ZNF496: variants seen among roughly 807,000 people sequenced by gnomAD.
The protein encoded by ZNF496 is NSD1 (nuclear receptor binding SET-domain containing 1)-interacting zinc finger protein 1.
In ZNF496, 11 loss-of-function variants were observed where a neutral mutation model predicts 58.9. The observed-to-expected ratio is 0.19, with a 90% confidence interval of 0.12 to 0.31. The LOEUF is 0.31. ZNF496 is among the 10% of genes least tolerant of loss of function. ZNF496 has a pLI of 1.00. For missense variants in ZNF496, 660 were observed against 783.0 expected (o/e 0.84, Z 1.88); for synonymous variants, 338 against 318.2 (o/e 1.06, Z -0.66).
intron 5 of ZNF496, among the ~76,000 whole-genome samples, chr1:247,327,419 T>C (rs889977833): frequency 6.6e-6 from 1 of 152,218 alleles, no homozygotes; most frequent in South Asian, 2.1e-4. Flanking sequence ...ACATTAGGCA[T>C]GTCTACAAGC....
At position 247,309,816 on chromosome 1, in the gene ZNF496, G is replaced by C; in HGVS notation, c.785-10C>G. On this transcript the variant is annotated splice_polypyrimidine_tract_variant and intron_variant, in intron 7 of 9. Transcript: ENST00000682384. This position sits in a 1 kb window ranked among gnomAD's most constrained non-coding sequence, Gnocchi z 4.3. ...TGGGCAGCTAGGTCGTCTGTTCAAAGAAAAAGGCAGGGTACATGTTTATTA... is the reference window on the plus strand; with the variant it reads ...TGGGCAGCTAGGTCGTCTGTTCAAACAAAAAGGCAGGGTACATGTTTATTA... The C allele has an allele frequency of 6.2e-7, 1 of 1,613,274 alleles. No individual in the cohort carries two copies.
chr1:247,330,756 C>G (rs1162718505), intron 2 of ZNF496, among the ~76,000 whole-genome samples: 1 of 152,270 alleles, frequency 6.6e-6, no homozygotes, highest in Non-Finnish European at 1.5e-5. Flanking sequence ...ACGAGGTTGT[C>G]CAGCGTGGCC....
Position 247,308,013 on chromosome 1 carries a change from T to C in ZNF496, c.1006+462A>G. ...CCAGTTCCAAGATTCTGTGCCAGGA[T>C]GCTGGCCATCCATGCTGAGAGAAGA... is the stretch of plus-strand genomic sequence containing the variant. On this transcript the variant is annotated intron_variant, in intron 9 of 9. Transcript: ENST00000682384. The surrounding 1 kb of genome is among the most constrained non-coding windows in gnomAD (Gnocchi z 4.5). 1.0e-6 allele frequency: 1 copy of C among 985,406 alleles called. No homozygotes were observed. The highest frequency in any genetic ancestry group is 4.7e-5 in the South Asian group (1 of 21,290). The allele number at this position is 985,406 out of a possible 1,614,324, so 61.0% of individuals were successfully genotyped here. A position where few individuals can be genotyped will look rare whatever the true frequency, so the allele number is the denominator to read the frequency against.
chr1:247,329,454 C>A lies in ZNF496; in HGVS notation c.125G>T (p.Arg42Leu). The A allele has an allele frequency of 1.9e-6, 3 of 1,612,290 alleles. No individual in the cohort carries two copies. The highest frequency in any genetic ancestry group is 1.1e-5 in the South Asian group (1 of 90,978). Residue 42 changes from arginine (R) to leucine (L), a missense_variant, in exon 4 of 10, where the codon CGG becomes CTG. Physicochemically the swap from Arg to Leu is moderately radical, Grantham distance 102. Transcript: ENST00000682384. This position sits in a 1 kb window ranked among gnomAD's most constrained non-coding sequence, Gnocchi z 5.5. ...GTAGCGGAAACGGCGGAAGAGACGCCGAGAGGACTCGGGGCTGGGAAGCTC... is the reference window on the plus strand; with the variant it reads ...GTAGCGGAAACGGCGGAAGAGACGCAGAGAGGACTCGGGGCTGGGAAGCTC... ...QGELPSPESS[R>L]RLFRRFRYQE...
At chr1:247,321,154 C>G (rs10754542) in intron 6 of ZNF496, among the ~76,000 whole-genome samples, 3 of 151,164 alleles carry the variant, frequency 2.0e-5, no homozygotes, top group African/African-American at 7.3e-5. Flanking sequence ...TCAGCCTGGG[C>G]GACAGAGCAA....
At chr1:247,301,816 C>A (rs1419304019) in intron 9 of ZNF496, among the ~76,000 whole-genome samples, 9 of 152,198 alleles carry the variant, frequency 5.9e-5, no homozygotes, top group African/African-American at 2.2e-4. Flanking sequence ...TATTGGTTGC[C>A]ATGTTTACAC....
At chr1:247,318,462 CA>C (rs1473142514) in intron 6 of ZNF496, among the ~76,000 whole-genome samples, 1 of 152,058 alleles carries the variant, frequency 6.6e-6, no homozygotes, top group African/African-American at 2.4e-5. Flanking sequence ...AAACTGAAGG[CA>C]AAGGAAGAAA....
intron 6 of ZNF496, chr1:247,312,397 T>A (rs900375374): frequency 1.3e-4 from 20 of 152,196 alleles, no homozygotes; most frequent in Admixed American, 1.3e-4. Context: ...TTCACATTTT[T>A]ACCAACATTC....
In ZNF496 at chr1:247,300,531, C is replaced by T. The variant is rs1659202373; in HGVS notation, c.1752G>A (p.Leu584=). ...LHMKRRSKQA[L]NSY ...CAGGCGGAGAGGCTCAGTAGGAGTT[C>T]AGAGCCTGCTTGGAACGGCGCTTCA... The change falls in exon 10 of 10, where the codon CTG becomes CTA. Residue 584 remains leucine, a synonymous_variant. Transcript: ENST00000682384. The surrounding 1 kb of genome is among the most constrained non-coding windows in gnomAD (Gnocchi z 5.7). 1 of 1,607,048 alleles carries T rather than the reference C, an allele frequency of 6.2e-7. No individual in the cohort carries two copies. Among genetic ancestry groups the T allele is most frequent in the South Asian group, 1.1e-5 (1 of 90,550 alleles).
chr1:247,327,833 T>C lies in ZNF496; in HGVS notation c.574+850A>G, dbSNP rs1351096256. On this transcript the variant is annotated intron_variant, in intron 5 of 9. Transcript: ENST00000682384. ...AGCCCCCCTGGCCCCCCAGACACTCTCTTTCCACTGTACATATAAAGCACC... is the reference window on the plus strand; with the variant it reads ...AGCCCCCCTGGCCCCCCAGACACTCCCTTTCCACTGTACATATAAAGCACC... Among the ~76,000 whole-genome samples the C allele has an allele frequency of 4.6e-5, 4 of 86,814 alleles. 1 individual carries two copies. The highest frequency in any genetic ancestry group is 1.0e-4 in the Non-Finnish European group (4 of 39,514). The allele number at this position is 86,814 out of a possible 152,430, so 57.0% of individuals were successfully genotyped here.
chr1:247,322,672 T>C, intron 6 of ZNF496: 1 of 1,270,282 alleles, frequency 7.9e-7, no homozygotes, highest in Non-Finnish European at 1.0e-6. Context: ...AACGAGAACA[T>C]TCGAGGAAAT....
chr1:247,327,943 T>C (rs954236981), intron 5 of ZNF496, among the ~76,000 whole-genome samples: 3 of 152,192 alleles, frequency 2.0e-5, no homozygotes, highest in African/African-American at 7.2e-5. Context: ...ACTTAAAGTT[T>C]TGGGCACCTC....
intron 6 of ZNF496, 184 bp from the exon 7 acceptor site, chr1:247,310,640 G>T: frequency 1.5e-6 from 1 of 668,414 alleles, no homozygotes; most frequent in Non-Finnish European, 2.5e-6. Context: ...TGGGTGCCTG[G>T]TGAGGGCCCA....
Position 247,300,646 on chromosome 1 carries a change from A to T in ZNF496, c.1637T>A (p.Leu546Gln). ...HLARHRSHFH[L>Q]KDKARPFQCR... ...CTGGAAGGGCCGGGCTTTGTCCTTC[A>T]GGTGAAAGTGGCTGCGGTGCCGAGC... Residue 546 changes from leucine (L) to glutamine (Q), a missense_variant, in exon 10 of 10, where the codon CTG becomes CAG. By Grantham distance (113) the Leu-to-Gln change is moderately radical. Transcript: ENST00000682384. This position sits in a 1 kb window ranked among gnomAD's most constrained non-coding sequence, Gnocchi z 5.7. 4.3e-6 allele frequency: 7 copies of T among 1,614,136 alleles called. No individual in the cohort carries two copies. Among genetic ancestry groups the T allele is most frequent in the Non-Finnish European group, 5.9e-6 (7 of 1,180,036 alleles).
chr1:247,306,505 TTTC>T (rs903784863), intron 9 of ZNF496, among the ~76,000 whole-genome samples: 12 of 146,538 alleles, frequency 8.2e-5, no homozygotes, highest in Non-Finnish European at 1.4e-4. Context: ...CCGTTTTTTT[TTTC>T]TTTTTCTTTT....
rs752585207 is a variant in ZNF496 at position 247,308,502 on chromosome 1, T to C, written c.979A>G (p.Thr327Ala). 1.9e-6 allele frequency: 3 copies of C among 1,614,130 alleles called. No homozygotes were observed. The highest frequency in any genetic ancestry group is 1.1e-5 in the South Asian group (1 of 91,084). The change falls in exon 9 of 10, where the codon ACG becomes GCG. Residue 327 changes from threonine (T) to alanine (A), a missense_variant. Transcript: ENST00000682384. This position sits in a 1 kb window ranked among gnomAD's most constrained non-coding sequence, Gnocchi z 4.5. ...QVPEFQACPQTVVPQNTYPAG... is the reference protein window; with the variant it reads ...QVPEFQACPQAVVPQNTYPAG... ...GGGTAGGTGTTTTGAGGCACCACCG[T>C]CTGTGGGCAGGCCTGGAACTCTGGC...
At chr1:247,322,042 G>A (rs1197419843) in intron 6 of ZNF496, among the ~76,000 whole-genome samples, 1 of 152,192 alleles carries the variant, frequency 6.6e-6, no homozygotes, top group Non-Finnish European at 1.5e-5. Flanking sequence ...AGCACTTTGG[G>A]AGGCTGAGAC....
At chr1:247,307,198 G>A (rs908537860) in intron 9 of ZNF496, 7 of 985,268 alleles carry the variant, frequency 7.1e-6, no homozygotes, top group South Asian at 4.7e-5. Context: ...CCAGCTATCC[G>A]GCATCAGCTG....
intron 6 of ZNF496, among the ~76,000 whole-genome samples, chr1:247,317,665 G>A (rs576651528): frequency 2.0e-5 from 3 of 152,166 alleles, no homozygotes; most frequent in Non-Finnish European, 4.4e-5. Flanking sequence ...TGCCCGCGGA[G>A]ATCCAGGAGG....
Sources: gnomAD v4.1 joint callset for allele counts (sites outside exome capture counted in the v4.1 genomes callset) on GRCh38, gnomAD v4.1.1 for gene constraint, Gnocchi (gnomAD v3.1) non-coding constraint, MANE v1.5 for transcripts, NCBI Gene and HGNC (gene_info 2026-07-23, HGNC 2026-07-21) for gene names.